CSMD1: variants seen among roughly 807,000 people sequenced by gnomAD.
The protein encoded by CSMD1 is CUB and sushi domain-containing protein 1.
In CSMD1, 213 loss-of-function variants were observed where a neutral mutation model predicts 417.5. The observed-to-expected ratio is 0.51, with a 90% CI of 0.46 to 0.57. CSMD1 has a LOEUF of 0.57. Ranked by LOEUF, CSMD1 falls within the 20% of genes least tolerant of loss-of-function variation. The pLI, the probability that CSMD1 is intolerant of heterozygous loss-of-function variation, is 0.00. For missense variants in CSMD1, 6,923 were observed against 4,529.7 expected (o/e 1.53, Z -15.17); for synonymous variants, 2,862 against 1,736.8 (o/e 1.65, Z -16.11).
At chr8:4,683,960 T>A (rs1806210955) in intron 1 of CSMD1, among the ~76,000 whole-genome samples, 1 of 152,222 alleles carries the variant, frequency 6.6e-6, no homozygotes, top group South Asian at 2.1e-4. Flanking sequence ...AAGATATTTA[T>A]CACAGTGAAA....
intron 51 of CSMD1, among the ~76,000 whole-genome samples, chr8:3,028,085 C>T (rs1191654494): frequency 1.3e-5 from 2 of 152,196 alleles, no homozygotes; most frequent in Admixed American, 6.5e-5. Context: ...CAAGAAAACG[C>T]TGTACTGCGC....
At chr8:3,490,801 T>C (rs1818328788) in intron 11 of CSMD1, among the ~76,000 whole-genome samples, 1 of 152,144 alleles carries the variant, frequency 6.6e-6, no homozygotes, top group Non-Finnish European at 1.5e-5. Context: ...ACGATCGCCT[T>C]AGAAGCTTGC....
chr8:3,218,954 C>T (rs557476824), intron 29 of CSMD1, among the ~76,000 whole-genome samples: 3 of 151,892 alleles, frequency 2.0e-5, no homozygotes, highest in South Asian at 2.1e-4. Context: ...TGTTAAAACC[C>T]GTCTTAAAAT....
intron 3 of CSMD1, among the ~76,000 whole-genome samples, chr8:4,250,103 C>A (rs1802961990): frequency 6.6e-6 from 1 of 152,180 alleles, no homozygotes; most frequent in Admixed American, 6.5e-5. Context: ...TGGGATGACT[C>A]AGCAAGAAAG....
In CSMD1 at chr8:4,738,197, G is replaced by A. The variant is rs577536827; in HGVS notation, c.86-100639C>T. Among the ~76,000 whole-genome samples the A allele has an allele frequency of 8.5e-5, 13 of 152,184 alleles. 1 individual carries two copies. Among genetic ancestry groups the A allele is most frequent in the Admixed American group, 2.6e-4 (4 of 15,284 alleles). ...GGTTTGATAGACTTTCAAATAGTCC[G>A]TTTTTATTAAAAAAGAATGTCCCTA... On this transcript the variant is annotated intron_variant, in intron 1 of 69. Transcript: ENST00000635120.
intron 3 of CSMD1, among the ~76,000 whole-genome samples, chr8:4,126,641 T>C (rs1802781531): frequency 6.6e-6 from 1 of 152,178 alleles, no homozygotes; most frequent in African/African-American, 2.4e-5. Flanking sequence ...TTTCTGTATT[T>C]GGTTTTCTTC....
chr8:3,521,940 A>T (rs1797527165), intron 10 of CSMD1, among the ~76,000 whole-genome samples: 1 of 152,220 alleles, frequency 6.6e-6, no homozygotes, highest in Non-Finnish European at 1.5e-5. Context: ...TATTCATCAC[A>T]TATTGGAAAG....
At chr8:4,111,268 G>C (rs1023828260) in intron 3 of CSMD1, among the ~76,000 whole-genome samples, 2 of 152,056 alleles carry the variant, frequency 1.3e-5, no homozygotes, top group Admixed American at 6.6e-5. Flanking sequence ...GTTTGTTTTA[G>C]ATATAGATCA....
intron 3 of CSMD1, among the ~76,000 whole-genome samples, chr8:4,150,319 A>G (rs1236498018): frequency 6.6e-6 from 1 of 152,114 alleles, no homozygotes; most frequent in Non-Finnish European, 1.5e-5. Flanking sequence ...TAGGAAGGAC[A>G]TCTCTAAATT....
intron 2 of CSMD1, among the ~76,000 whole-genome samples, chr8:4,564,514 T>C (rs1458136672): frequency 6.6e-6 from 1 of 152,208 alleles, no homozygotes; most frequent in Non-Finnish European, 1.5e-5. Context: ...TTATCTATTA[T>C]AATTGTGACT....
chr8:3,303,171 C>T (rs922923057), intron 25 of CSMD1, among the ~76,000 whole-genome samples: 28 of 152,292 alleles, frequency 1.8e-4, no homozygotes, highest in African/African-American at 6.5e-4. Flanking sequence ...TGAGTGGCCT[C>T]ATACCTTTCT....
At chr8:4,617,577 C>T (rs551812457) in intron 2 of CSMD1, among the ~76,000 whole-genome samples, 15 of 152,226 alleles carry the variant, frequency 9.9e-5, no homozygotes, top group African/African-American at 3.4e-4. Context: ...CCTTATCGAT[C>T]CTGAGCAATA....
chr8:3,834,139 T>C lies in CSMD1; in HGVS notation c.819-80097A>G, dbSNP rs148343779. Among the ~76,000 whole-genome samples the C allele has an allele frequency of 5.8e-4, 88 of 152,354 alleles. 1 individual carries two copies. The highest frequency in any genetic ancestry group is 4.8e-3 in the South Asian group (23 of 4,826). On this transcript the variant is annotated intron_variant, in intron 5 of 69. Transcript: ENST00000635120. ...TTACATTTCTAATTGTCTTCAATTT[T>C]ACTATTGCTTTATCTATATATACCT...
At position 4,074,541 on chromosome 8, in the gene CSMD1, T is replaced by A. The variant is rs770521836; in HGVS notation, c.416-42442A>T. On this transcript the variant is annotated intron_variant, in intron 3 of 69. Transcript: ENST00000635120. ...TGATATTTGAGAACATGAGCTACCA[T>A]AAATATTCCCAGTGGAAGTTAAAGG... is the stretch of plus-strand genomic sequence containing the variant. 2.0e-5 allele frequency among the ~76,000 whole-genome samples: 3 copies of A among 152,170 alleles called. No individual in the cohort carries two copies. In the East Asian group the frequency reaches 5.8e-4, roughly 29 times the overall value.
At chr8:4,560,017 A>T (rs532490810) in intron 2 of CSMD1, among the ~76,000 whole-genome samples, 1 of 152,202 alleles carries the variant, frequency 6.6e-6, no homozygotes, top group African/African-American at 2.4e-5. Context: ...TGTGGTCAGA[A>T]ATGCAGTTGA....
Position 3,324,206 on chromosome 8 carries a change from G to A in CSMD1, c.3632-15703C>T, listed in dbSNP as rs1367947334. Among the ~76,000 whole-genome samples the A allele has an allele frequency of 1.3e-4, 15 of 119,868 alleles. 1 individual carries two copies. Among genetic ancestry groups the A allele is most frequent in the Non-Finnish European group, 2.5e-4 (15 of 59,598 alleles). The allele number at this position is 119,868 out of a possible 152,430, so 78.6% of individuals were successfully genotyped here. A position where few individuals can be genotyped will look rare whatever the true frequency, so the allele number is the denominator to read the frequency against. On this transcript the variant is annotated intron_variant, in intron 23 of 69. Coordinates refer to ENST00000635120, the MANE Select transcript of CSMD1 (RefSeq NM_033225.6). The stretch of plus-strand genomic sequence containing the variant: ...CCCACCTTTCATTGTTGTTAAAATA[G>A]ACACACACCCAACCCCAGAGACCCG...
intron 7 of CSMD1, among the ~76,000 whole-genome samples, chr8:3,644,516 G>A (rs1585010102): frequency 6.6e-6 from 1 of 152,142 alleles, no homozygotes. Flanking sequence ...AAAGAAGATG[G>A]GGAAGATGAT....
At chr8:3,993,524 G>T (rs925898798) in intron 5 of CSMD1, among the ~76,000 whole-genome samples, 1 of 152,132 alleles carries the variant, frequency 6.6e-6, no homozygotes, top group African/African-American at 2.4e-5. Flanking sequence ...CAATTAGATT[G>T]ACTTAATAGT....
At chr8:3,270,701 A>T (rs1801781269) in intron 26 of CSMD1, among the ~76,000 whole-genome samples, 1 of 152,192 alleles carries the variant, frequency 6.6e-6, no homozygotes. Flanking sequence ...CATTTACTTT[A>T]AACTATTTAT....
Sources: allele counts gnomAD v4.1 joint callset (sites outside exome capture counted in the v4.1 genomes callset), GRCh38; gene constraint gnomAD v4.1.1; transcripts MANE v1.5; gene names NCBI Gene and HGNC (gene_info 2026-07-23, HGNC 2026-07-21).